The following CLMN variants were observed in gnomAD, a reference collection of about 807,000 sequenced individuals.
The protein encoded by CLMN is calmin.
CLMN carries 57 observed loss-of-function variants against 92.7 expected under a neutral mutation model. That is an observed-to-expected ratio of 0.61 (90% CI 0.50 to 0.77). The LOEUF is 0.77. Among genes scored for constraint, CLMN ranks in the 30% least tolerant of loss-of-function variants. The pLI is 0.00. For synonymous variants in CLMN, 466 were observed against 470.6 expected, an observed-to-expected ratio of 0.99 and a Z score of 0.13; for missense variants, 1,158 against 1,237.5, an observed-to-expected ratio of 0.94 and a Z score of 0.96.
At chr14:95,216,923 A>G (rs1306236495) in intron 4 of CLMN, among the ~76,000 whole-genome samples, 1 of 152,184 alleles carries the variant, frequency 6.6e-6, no homozygotes, top group Admixed American at 6.5e-5. Context: ...GTATTTTAGT[A>G]AGTGCGCCAG....
intron 1 of CLMN, among the ~76,000 whole-genome samples, chr14:95,245,225 T>TTATATATATATATAA (rs1457604912): frequency 4.1e-5 from 1 of 24,360 alleles, no homozygotes; most frequent in Non-Finnish European, 6.1e-5. Flanking sequence ...TATATATATA[T>TTATATATATATATAA]TATATATATA....
chr14:95,190,863 C>T lies in CLMN; in HGVS notation c.*701G>A, dbSNP rs1356667795. On this transcript the variant is annotated 3_prime_UTR_variant, in exon 13 of 13. Coordinates refer to ENST00000298912, the MANE Select transcript of CLMN (RefSeq NM_024734.4). ...CTATCTCAATCCAATCAATGGAAAA[C>T]TGAATTTCAAGTGTTATCTCCCCTC... 1 of 152,178 alleles carries T rather than the reference C, an allele frequency of 6.6e-6. No individual in the cohort carries two copies. The highest frequency in any genetic ancestry group is 2.4e-5 in the African/African-American group (1 of 41,414). 9.4% of individuals were successfully genotyped at this position (152,178 alleles called of 1,614,324 possible). A position where few individuals can be genotyped will look rare whatever the true frequency, so the allele number is the denominator to read the frequency against.
intron 4 of CLMN, among the ~76,000 whole-genome samples, chr14:95,220,829 G>A (rs1391898012): frequency 6.6e-6 from 1 of 152,228 alleles, no homozygotes; most frequent in East Asian, 1.9e-4. Context: ...GCAGGCTGTG[G>A]TGGGGCTGCC....
intron 1 of CLMN, among the ~76,000 whole-genome samples, chr14:95,246,261 G>A (rs1898566498): frequency 6.6e-6 from 1 of 152,140 alleles, no homozygotes; most frequent in Non-Finnish European, 1.5e-5. Flanking sequence ...AGGAAACTAG[G>A]GACAGCCCCT....
rs749089252 is a variant in CLMN at position 95,185,895 on chromosome 14, G to A, written c.*5669C>T. 2 of 152,190 alleles carry A rather than the reference G, an allele frequency of 1.3e-5. No homozygotes were observed. The highest frequency in any genetic ancestry group is 2.9e-5 in the Non-Finnish European group (2 of 68,040). 9.4% of individuals were successfully genotyped at this position (152,190 alleles called of 1,614,324 possible). A position where few individuals can be genotyped will look rare whatever the true frequency, so the allele number is the denominator to read the frequency against. On this transcript the variant is annotated 3_prime_UTR_variant, in exon 13 of 13. Coordinates refer to ENST00000298912, the MANE Select transcript of CLMN (RefSeq NM_024734.4). ...AACTGCCTTCCAATGGCATGACCAC[G>A]GAAGGAGAACAGCTCCTCACCAAAG...
intron 1 of CLMN, among the ~76,000 whole-genome samples, chr14:95,310,967 G>A (rs537792135): frequency 2.6e-5 from 4 of 152,330 alleles, no homozygotes; most frequent in African/African-American, 9.6e-5. Context: ...GATGGGGTGC[G>A]AGAAAAGTCT....
At position 95,194,502 on chromosome 14, in the gene CLMN, G is replaced by A. The variant is rs1456870334; in HGVS notation, c.2769+34C>T. On this transcript the variant is annotated intron_variant, in intron 11 of 12. Transcript: ENST00000298912. This position sits in a 1 kb window ranked among gnomAD's most constrained non-coding sequence, Gnocchi z 4.0. ...GATGGAAAGGAATTGATTAGCAGGGGCCGTGCGGAAAGAGAAGAAATTCAC... is the reference window on the plus strand; with the variant it reads ...GATGGAAAGGAATTGATTAGCAGGGACCGTGCGGAAAGAGAAGAAATTCAC... The A allele has an allele frequency of 1.2e-6, 2 of 1,613,930 alleles. No individual in the cohort carries two copies. Among genetic ancestry groups the A allele is most frequent in the South Asian group, 1.1e-5 (1 of 91,080 alleles).
rs773405317 is a variant in CLMN at position 95,203,768 on chromosome 14, G to A, written c.1581C>T (p.Pro527=). The change falls in exon 9 of 13, where the codon CCC becomes CCT. Residue 527 remains proline (P), a synonymous_variant. Coordinates refer to ENST00000298912, the MANE Select transcript of CLMN (RefSeq NM_024734.4). ...CGGCCATCACAGTATTTTCTCCTGGGGGTGAAAGAGAGTGACTTTCTTCAT... is the reference window on the plus strand; with the variant it reads ...CGGCCATCACAGTATTTTCTCCTGGAGGTGAAAGAGAGTGACTTTCTTCAT... ...RHDEESHSLS[P]PGENTVMADS... is the part of the protein sequence containing the mutation. 5.0e-6 allele frequency: 8 copies of A among 1,614,000 alleles called. No homozygotes were observed. In the East Asian group the frequency reaches 1.8e-4, roughly 36 times the overall value.
At chr14:95,248,341 A>G (rs1033004705) in intron 1 of CLMN, among the ~76,000 whole-genome samples, 17 of 152,254 alleles carry the variant, frequency 1.1e-4, no homozygotes, top group African/African-American at 3.4e-4. Flanking sequence ...ATGAATGTTA[A>G]AAACAGCAAC....
At chr14:95,287,349 C>T (rs990022898) in intron 1 of CLMN, among the ~76,000 whole-genome samples, 4 of 152,214 alleles carry the variant, frequency 2.6e-5, no homozygotes, top group African/African-American at 7.2e-5. Flanking sequence ...ATGCAAACTA[C>T]AGAGCCAAGT....
At chr14:95,245,225 T>TAATATATATATATATAA (rs1491192837) in intron 1 of CLMN, among the ~76,000 whole-genome samples, 1 of 24,350 alleles carries the variant, frequency 4.1e-5, no homozygotes, top group African/African-American at 2.7e-4. Flanking sequence ...TATATATATA[T>TAATATATATATATATAA]TATATATATA....
intron 1 of CLMN, among the ~76,000 whole-genome samples, chr14:95,281,345 T>C (rs894056080): frequency 1.3e-5 from 2 of 152,182 alleles, no homozygotes; most frequent in Admixed American, 6.5e-5. Context: ...ATTATACAGA[T>C]CATCAGGCCA....
intron 9 of CLMN, among the ~76,000 whole-genome samples, chr14:95,197,539 G>A (rs1310232779): frequency 2.0e-5 from 3 of 152,164 alleles, no homozygotes; most frequent in African/African-American, 4.8e-5. Flanking sequence ...GTGCAAAGGT[G>A]GCCTATAGGT....
chr14:95,194,504 C>T lies in CLMN; in HGVS notation c.2769+32G>A, dbSNP rs542632734. ...TGGAAAGGAATTGATTAGCAGGGGC[C>T]GTGCGGAAAGAGAAGAAATTCACAT... On this transcript the variant is annotated intron_variant, in intron 11 of 12. Coordinates refer to ENST00000298912, the MANE Select transcript of CLMN (RefSeq NM_024734.4). This position sits in a 1 kb window ranked among gnomAD's most constrained non-coding sequence, Gnocchi z 4.0. 2.1e-5 allele frequency: 34 copies of T among 1,613,888 alleles called. 1 individual carries two copies. The South Asian group carries it at 2.9e-4, about 14-fold the overall frequency.
intron 9 of CLMN, among the ~76,000 whole-genome samples, chr14:95,198,680 T>C (rs1281172075): frequency 1.3e-5 from 2 of 152,114 alleles, no homozygotes; most frequent in African/African-American, 4.8e-5. Flanking sequence ...CCATGTAAGA[T>C]GGAGTTCAAA....
At position 95,213,229 on chromosome 14, in the gene CLMN, T is replaced by C; in HGVS notation, c.598A>G (p.Lys200Glu). 6.2e-7 allele frequency: 1 copy of C among 1,613,040 alleles called. No homozygotes were observed. The highest frequency in any genetic ancestry group is 8.5e-7 in the Non-Finnish European group (1 of 1,179,660). ...IKALLAWVQR[K>E]TRKYGVAVQD... ...GGGGCTGCGGCTTACTTTCTCGTTT[T>C]CCTCTGCACCCACGCCAACAGGGCC... is the stretch of plus-strand genomic sequence containing the variant. The change falls in exon 6 of 13, where the codon AAA becomes GAA. Residue 200 changes from lysine (K) to glutamate (E), a missense_variant. Physicochemically the swap from Lys to Glu is moderately conservative, Grantham distance 56. Coordinates refer to ENST00000298912, the MANE Select transcript of CLMN (RefSeq NM_024734.4).
At chr14:95,231,986 G>T (rs1029264596) in intron 1 of CLMN, among the ~76,000 whole-genome samples, 9 of 152,220 alleles carry the variant, frequency 5.9e-5, no homozygotes, top group African/African-American at 2.2e-4. Context: ...GTTGTAACTT[G>T]TCCAAGGTCA....
rs1284579000 is a variant in CLMN at position 95,191,825 on chromosome 14, C to T, written c.2841-93G>A. 2 of 1,287,762 alleles carry T rather than the reference C, an allele frequency of 1.6e-6. No individual in the cohort carries two copies. Among genetic ancestry groups the T allele is most frequent in the East Asian group, 4.8e-5 (2 of 41,726 alleles). The allele number at this position is 1,287,762 out of a possible 1,614,324, so 79.8% of individuals were successfully genotyped here. Reference sequence around the variant, plus strand: ...GCTACCCGTCTCTCCCCGGCCCCCACTCCCCGCCTGAAGACCCGAAGGCTC... The same window carrying T: ...GCTACCCGTCTCTCCCCGGCCCCCATTCCCCGCCTGAAGACCCGAAGGCTC... On this transcript the variant is annotated intron_variant, in intron 12 of 12. Coordinates refer to ENST00000298912, the MANE Select transcript of CLMN (RefSeq NM_024734.4). The surrounding 1 kb of genome is among the most constrained non-coding windows in gnomAD (Gnocchi z 5.3).
chr14:95,215,617 G>A (rs1429427914), intron 5 of CLMN, 24 bp downstream of exon 5: 3 of 1,592,780 alleles, frequency 1.9e-6, no homozygotes, highest in Admixed American at 3.3e-5. Context: ...ATGATTGTGT[G>A]TTTTGGAAAA....
Sources: allele counts gnomAD v4.1 joint callset (sites outside exome capture counted in the v4.1 genomes callset), GRCh38; gene constraint gnomAD v4.1.1; non-coding constraint Gnocchi (gnomAD v3.1); transcripts MANE v1.5; gene names NCBI Gene and HGNC (gene_info 2026-07-23, HGNC 2026-07-21).